The following FSTL4 variants were observed in gnomAD, a reference collection of about 807,000 sequenced individuals.
FSTL4 encodes follistatin like 4, also known as follistatin-related protein 4.
A neutral mutation model predicts 78.2 loss-of-function variants in FSTL4; 28 were observed. The observed-to-expected ratio is 0.36, with a 90% CI of 0.27 to 0.49. FSTL4 has a LOEUF of 0.49. Among genes scored for constraint, FSTL4 ranks in the 20% least tolerant of loss-of-function variants. FSTL4 has a pLI of 0.98. For missense variants in FSTL4, 922 were observed against 1,084.9 expected (o/e 0.85, Z 2.11); for synonymous variants, 422 against 440.5 (o/e 0.96, Z 0.53).
At chr5:133,537,257 C>A (rs1209593406) in intron 3 of FSTL4, among the ~76,000 whole-genome samples, 2 of 152,078 alleles carry the variant, frequency 1.3e-5, no homozygotes, top group South Asian at 2.1e-4. Context: ...ACAATACTGA[C>A]CTTCTTATTA....
the FSTL4 span, among the ~76,000 whole-genome samples, chr5:133,762,201 C>A: frequency 1.3e-5 from 2 of 152,064 alleles, no homozygotes; most frequent in Non-Finnish European, 2.9e-5. Context: ...AGATCTAGAC[C>A]ACCCTCAACC....
At chr5:133,662,699 T>A in the FSTL4 span, among the ~76,000 whole-genome samples, 1 of 152,274 alleles carries the variant, frequency 6.6e-6, no homozygotes, top group East Asian at 1.9e-4. Flanking sequence ...CATTCACAGT[T>A]CCAGAGCCCC....
At chr5:133,424,981 A>G (rs1756779681) in intron 3 of FSTL4, among the ~76,000 whole-genome samples, 1 of 152,206 alleles carries the variant, frequency 6.6e-6, no homozygotes, top group African/African-American at 2.4e-5. Flanking sequence ...CTGTAAAAAC[A>G]AAACAAAAGA....
chr5:133,558,139 G>A (rs951122698), intron 3 of FSTL4, among the ~76,000 whole-genome samples: 1 of 152,170 alleles, frequency 6.6e-6, no homozygotes, highest in Admixed American at 6.5e-5. Flanking sequence ...ATCTATAAGG[G>A]CAGGGACTAT....
intron 3 of FSTL4, among the ~76,000 whole-genome samples, chr5:133,505,995 T>G (rs1758604898): frequency 6.6e-6 from 1 of 152,226 alleles, no homozygotes; most frequent in African/African-American, 2.4e-5. Flanking sequence ...TCCCAGACAG[T>G]GGGCAAGTAG....
intron 3 of FSTL4, among the ~76,000 whole-genome samples, chr5:133,484,279 G>A (rs1162033220): frequency 1.3e-5 from 2 of 152,214 alleles, no homozygotes; most frequent in Admixed American, 6.5e-5. Context: ...GCTTTAAGCA[G>A]CATTTCATTG....
At chr5:133,589,300 A>AAAAAAAAAAAAAAAAT (rs1208142898) in intron 2 of FSTL4, among the ~76,000 whole-genome samples, 1 of 148,422 alleles carries the variant, frequency 6.7e-6, no homozygotes, top group African/African-American at 2.5e-5. Flanking sequence ...AAAAAAAAAA[A>AAAAAAAAAAAAAAAAT]AGATCAAGGC....
chr5:133,310,782 G>A lies in FSTL4; in HGVS notation c.727+1872C>T, dbSNP rs558529638. On this transcript the variant is annotated intron_variant, in intron 6 of 15. Transcript: ENST00000265342. ...GTCTAGGCTCAGAGAGTGTTTTTGG[G>A]AATGTCTTGGAACTATCCCCAGAGA... Among the ~76,000 whole-genome samples the A allele has an allele frequency of 6.6e-5, 10 of 152,286 alleles. No homozygotes were observed. In the East Asian group the frequency reaches 9.7e-4, roughly 15 times the overall value.
the FSTL4 span, among the ~76,000 whole-genome samples, chr5:133,668,436 G>A: frequency 1.3e-5 from 2 of 152,240 alleles, no homozygotes; most frequent in African/African-American, 4.8e-5. Flanking sequence ...ACAGGTGTAT[G>A]ACAGAAGAGA....
intron 4 of FSTL4, among the ~76,000 whole-genome samples, chr5:133,332,133 G>A (rs1009318512): frequency 6.6e-6 from 1 of 152,172 alleles, no homozygotes; most frequent in African/African-American, 2.4e-5. Context: ...TCCTCCGAGC[G>A]CTCAGAAAGC....
chr5:133,782,507 C>T, the FSTL4 span, among the ~76,000 whole-genome samples: 3 of 152,244 alleles, frequency 2.0e-5, no homozygotes, highest in African/African-American at 4.8e-5. Flanking sequence ...CTGCCCTTCA[C>T]GACTGGTCGG....
intron 6 of FSTL4, among the ~76,000 whole-genome samples, chr5:133,258,260 G>A (rs140360818): frequency 6.6e-6 from 1 of 152,292 alleles, no homozygotes; most frequent in African/African-American, 2.4e-5. Flanking sequence ...ACCTTGACTG[G>A]GCCACAAGGC....
At position 133,210,283 on chromosome 5, in the gene FSTL4, G is replaced by A; in HGVS notation, c.1624C>T (p.Pro542Ser). ...QKVLQSIGVD[P>S]LPAKLSYDKS... ...TCATAGGACAGCTTAGCCGGCAGAGGGTCCACACCTATGGACTTGAAAAAA... is the reference window on the plus strand; with the variant it reads ...TCATAGGACAGCTTAGCCGGCAGAGAGTCCACACCTATGGACTTGAAAAAA... The change falls in exon 14 of 16, where the codon CCT becomes TCT. Residue 542 changes from proline (P) to serine (S), a missense_variant. Physicochemically the swap from Pro to Ser is moderately conservative, Grantham distance 74. Coordinates refer to ENST00000265342, the MANE Select transcript of FSTL4 (RefSeq NM_015082.2). 6.2e-7 allele frequency: 1 copy of A among 1,601,608 alleles called. No homozygotes were observed. The highest frequency in any genetic ancestry group is 8.6e-7 in the Non-Finnish European group (1 of 1,168,936).
In FSTL4 at chr5:133,224,806, CCA is replaced by C. The variant is rs528084905; in HGVS notation, c.1312+342_1312+343del. ...ATGTGTGCACAGGTCAGGTTCTGGG[CCA>C]CTGTGGGACATCACGTGGATGAAGG... On this transcript the variant is annotated intron_variant, in intron 10 of 15. Transcript: ENST00000265342. Among the ~76,000 whole-genome samples the C allele has an allele frequency of 5.3e-5, 8 of 152,304 alleles. 1 individual carries two copies. In the South Asian group the frequency reaches 1.7e-3, roughly 32 times the overall value.
chr5:133,481,199 C>T (rs1257650838), intron 3 of FSTL4, among the ~76,000 whole-genome samples: 3 of 152,096 alleles, frequency 2.0e-5, no homozygotes, highest in Non-Finnish European at 2.9e-5. Context: ...TCTTGGTTGG[C>T]GTTAATCTGG....
chr5:133,520,486 T>A (rs559016893), intron 3 of FSTL4, among the ~76,000 whole-genome samples: 8 of 152,074 alleles, frequency 5.3e-5, no homozygotes, highest in African/African-American at 1.9e-4. Flanking sequence ...AGCACTTTCA[T>A]AGGACACAAA....
At chr5:133,229,910 G>T (rs1313697382) in intron 8 of FSTL4, among the ~76,000 whole-genome samples, 1 of 152,234 alleles carries the variant, frequency 6.6e-6, no homozygotes, top group Non-Finnish European at 1.5e-5. Flanking sequence ...AATGAACCAT[G>T]AGTGAGACAG....
chr5:133,425,929 T>G (rs1044831423), intron 3 of FSTL4, among the ~76,000 whole-genome samples: 1 of 152,184 alleles, frequency 6.6e-6, no homozygotes, highest in African/African-American at 2.4e-5. Flanking sequence ...GAGCCTGCAT[T>G]TGAAGTTAGG....
intron 3 of FSTL4, among the ~76,000 whole-genome samples, chr5:133,447,566 G>T (rs147117266): frequency 6.6e-6 from 1 of 152,008 alleles, no homozygotes; most frequent in Admixed American, 6.5e-5. Context: ...TTGAGACTGA[G>T]TCTCACTCTG....
Sources: allele counts gnomAD v4.1 joint callset (sites outside exome capture counted in the v4.1 genomes callset), GRCh38; gene constraint gnomAD v4.1.1; transcripts MANE v1.5; gene names NCBI Gene and HGNC (gene_info 2026-07-23, HGNC 2026-07-21).